NUP93: variants seen among roughly 807,000 people sequenced by gnomAD.
NUP93 encodes the protein nuclear pore complex protein Nup93.
A neutral mutation model predicts 107.8 loss-of-function variants in NUP93; 55 were observed. The ratio of observed to expected loss-of-function variants is 0.51; its 90% CI spans 0.41 to 0.64. The LOEUF is 0.64. NUP93 is among the 30% of genes least tolerant of loss of function. NUP93 has a pLI of 0.00. For missense variants in NUP93, 937 were observed against 1,044.7 expected, an observed-to-expected ratio of 0.90 and a Z score of 1.42; for synonymous variants, 390 against 397.5, an observed-to-expected ratio of 0.98 and a Z score of 0.22.
At chr16:56,829,705 G>A (rs544261840) in intron 9 of NUP93, among the ~76,000 whole-genome samples, 1 of 152,312 alleles carries the variant, frequency 6.6e-6, no homozygotes, top group South Asian at 2.1e-4. Flanking sequence ...ATGGAGGCAG[G>A]AGAGAGTATC....
chr16:56,771,453 G>A (rs76979186), intron 3 of NUP93, among the ~76,000 whole-genome samples: 13,325 of 152,124 alleles, frequency 0.088, 798 homozygotes, highest in Non-Finnish European at 0.13. Context: ...GGTAAATGCC[G>A]TATTATTCTT....
intron 1 of NUP93, among the ~76,000 whole-genome samples, chr16:56,746,393 C>G (rs1961821725): frequency 6.6e-6 from 1 of 152,198 alleles, no homozygotes; most frequent in Non-Finnish European, 1.5e-5. Context: ...TCTCCATTTT[C>G]TCACAATAAA....
chr16:56,780,428 G>A (rs1487345455), intron 3 of NUP93, among the ~76,000 whole-genome samples: 4 of 152,150 alleles, frequency 2.6e-5, no homozygotes, highest in African/African-American at 9.7e-5. Flanking sequence ...TTCTTTCATT[G>A]TTATTCACTG....
chr16:56,821,332 T>C (rs1004036830), intron 6 of NUP93, among the ~76,000 whole-genome samples, 172 bp from the exon 7 acceptor site: 1 of 152,134 alleles, frequency 6.6e-6, no homozygotes, highest in Non-Finnish European at 1.5e-5. Flanking sequence ...TTAGCTTTGG[T>C]GTGTTACCCA....
intron 19 of NUP93, chr16:56,839,311 T>G: frequency 2.7e-6 from 1 of 369,776 alleles, no homozygotes; most frequent in Non-Finnish European, 4.9e-6. Context: ...CTCAAAGTAA[T>G]TTGCAATCTC....
At chr16:56,748,198 C>G (rs373888298) in intron 1 of NUP93, 36 bp from the exon 2 acceptor site, 32 of 1,444,834 alleles carry the variant, frequency 2.2e-5, no homozygotes, top group Non-Finnish European at 2.9e-5. Flanking sequence ...CTGTCTTTCC[C>G]TTGATTTAGA....
chr16:56,745,559 T>C (rs1225517011), intron 1 of NUP93, among the ~76,000 whole-genome samples: 1 of 152,128 alleles, frequency 6.6e-6, no homozygotes, highest in Non-Finnish European at 1.5e-5. Context: ...GGGAGGTGTC[T>C]AGGTAGAGAT....
intron 3 of NUP93, among the ~76,000 whole-genome samples, chr16:56,798,047 C>G (rs1446787114): frequency 6.6e-6 from 1 of 152,132 alleles, no homozygotes; most frequent in Non-Finnish European, 1.5e-5. Flanking sequence ...AGCACATAGA[C>G]AAGTGGGCAA....
chr16:56,808,489 T>C lies in NUP93; in HGVS notation c.489+2857T>C, dbSNP rs182124357. ...TATGTAACTATAAAATATATAGTTATGTAACTATATAAATATATAGTTATG... is the reference window on the plus strand; with the variant it reads ...TATGTAACTATAAAATATATAGTTACGTAACTATATAAATATATAGTTATG... On this transcript the variant is annotated intron_variant, in intron 5 of 21. Transcript: ENST00000308159. Among the ~76,000 whole-genome samples the C allele has an allele frequency of 1.3e-3, 151 of 114,802 alleles. 6 individuals carry two copies. The highest frequency in any genetic ancestry group is 2.9e-3 in the African/African-American group (78 of 26,840). The allele number at this position is 114,802 out of a possible 152,430, so 75.3% of individuals were successfully genotyped here.
rs753500381 is a variant in NUP93 at position 56,805,653 on chromosome 16, A to T, written c.489+21A>T. The T allele has an allele frequency of 4.5e-5, 72 of 1,607,576 alleles. 1 individual carries two copies. In the South Asian group the frequency reaches 6.3e-4, roughly 14 times the overall value. ...GCGAGGTAGCTTGAATGCAAAAGAT[A>T]AACTACTGTTAATAAAAACATGAAG... On this transcript the variant is annotated intron_variant, in intron 5 of 21. Transcript: ENST00000308159.
intron 1 of NUP93, among the ~76,000 whole-genome samples, chr16:56,747,279 C>T (rs1222239204): frequency 2.0e-5 from 3 of 152,174 alleles, no homozygotes; most frequent in African/African-American, 4.8e-5. Context: ...GGATTACAGG[C>T]GTGAGCCATT....
chr16:56,794,581 TGATAGAGA>T (rs1962847455), intron 3 of NUP93, among the ~76,000 whole-genome samples: 1 of 116,314 alleles, frequency 8.6e-6, no homozygotes, highest in East Asian at 4.2e-4. Flanking sequence ...AGTGTGTGTG[TGATAGAGA>T]GAGAGAGAGA....
chr16:56,772,660 C>T (rs1363373423), intron 3 of NUP93, among the ~76,000 whole-genome samples: 1 of 152,190 alleles, frequency 6.6e-6, no homozygotes, highest in African/African-American at 2.4e-5. Flanking sequence ...TACATACTCT[C>T]CTTACTTGTG....
At chr16:56,776,096 T>C (rs1413235342) in intron 3 of NUP93, among the ~76,000 whole-genome samples, 7 of 152,070 alleles carry the variant, frequency 4.6e-5, no homozygotes, top group Admixed American at 3.9e-4. Context: ...CTATTTTCAA[T>C]TTTATAATAG....
chr16:56,844,364 C>A, intron 21 of NUP93, 135 bp from the exon 22 acceptor site: 1 of 427,310 alleles, frequency 2.3e-6, no homozygotes, highest in Non-Finnish European at 4.1e-6. Context: ...GACTGTCATC[C>A]ACCCATCAGG....
At chr16:56,746,301 A>G (rs1192902269) in intron 1 of NUP93, among the ~76,000 whole-genome samples, 1 of 152,124 alleles carries the variant, frequency 6.6e-6, no homozygotes, top group African/African-American at 2.4e-5. Context: ...ATCAGGCCGG[A>G]GTAGTTGTTT....
intron 2 of NUP93, among the ~76,000 whole-genome samples, chr16:56,748,961 G>A (rs1961869605): frequency 6.6e-6 from 1 of 152,108 alleles, no homozygotes; most frequent in Non-Finnish European, 1.5e-5. Flanking sequence ...GAAATACAGT[G>A]CCCCCAGCTG....
At chr16:56,803,945 T>A (rs1428007942) in intron 4 of NUP93, among the ~76,000 whole-genome samples, 2 of 151,794 alleles carry the variant, frequency 1.3e-5, no homozygotes, top group Non-Finnish European at 2.9e-5. Flanking sequence ...AGTAATAGGG[T>A]TTTGCCATGT....
intron 3 of NUP93, among the ~76,000 whole-genome samples, chr16:56,761,220 T>C (rs1962120734): frequency 6.6e-6 from 1 of 152,218 alleles, no homozygotes; most frequent in Non-Finnish European, 1.5e-5. Flanking sequence ...CAATAGGGAT[T>C]GGAGGTTTTA....
Sources: allele counts gnomAD v4.1 joint callset (sites outside exome capture counted in the v4.1 genomes callset), GRCh38; gene constraint gnomAD v4.1.1; transcripts MANE v1.5; gene names NCBI Gene and HGNC (gene_info 2026-07-23, HGNC 2026-07-21).